The following PRH1 variants were observed in gnomAD, a reference collection of about 807,000 sequenced individuals.
PRH1 encodes the protein proline rich protein HaeIII subfamily 1, also known as salivary acidic proline-rich phosphoprotein 1/2.
Under a neutral mutation model 7.9 loss-of-function variants are expected in PRH1, and 7 were observed. The ratio of observed to expected loss-of-function variants is 0.89; its 90% CI spans 0.50 to 1.67. PRH1 has a LOEUF of 1.67. Ranked by LOEUF, PRH1 falls within the 40% of genes most tolerant of loss-of-function variation. The pLI is 0.00. For missense variants in PRH1, 109 were observed against 223.6 expected, an observed-to-expected ratio of 0.49 and a Z score of 3.27; for synonymous variants, 45 against 80.8, an observed-to-expected ratio of 0.56 and a Z score of 2.38.
chr12:11,124,026 C>T (rs1015201282), intron 1 of PRH1, among the ~76,000 whole-genome samples: 1 of 152,000 alleles, frequency 6.6e-6, no homozygotes, highest in African/African-American at 2.4e-5. Context: ...CTTTTTCCAA[C>T]ACTTTGGTCA....
intron 1 of PRH1, among the ~76,000 whole-genome samples, chr12:11,067,886 T>A (rs1283307462): frequency 6.6e-6 from 1 of 152,126 alleles, no homozygotes; most frequent in Non-Finnish European, 1.5e-5. Context: ...AAATTTTAAA[T>A]TTTAACTTGG....
chr12:10,984,288 G>C (rs111664730), intron 1 of PRH1, among the ~76,000 whole-genome samples: 1 of 152,122 alleles, frequency 6.6e-6, no homozygotes, highest in Non-Finnish European at 1.5e-5. Flanking sequence ...ATCGAATATG[G>C]CTTCATCAGG....
chr12:11,020,723 A>G (rs1941578930), intron 1 of PRH1, among the ~76,000 whole-genome samples: 1 of 152,034 alleles, frequency 6.6e-6, no homozygotes, highest in African/African-American at 2.4e-5. Flanking sequence ...ATTATCTTCT[A>G]TAGTTTCTAT....
Position 11,133,583 on chromosome 12 carries a change from G to A in PRH1, n.40-12403C>T, listed in dbSNP as rs748053817. ...TTGCAAAGCTTTTATGTGGACCTTG[G>A]TGCTGGGATCTTGAGATCCTTTGCC... On this transcript the variant is annotated intron_variant and non_coding_transcript_variant, in intron 1 of 1. Transcript: ENST00000541175. The A allele has an allele frequency of 1.4e-5, 23 of 1,614,134 alleles. No homozygotes were observed. In the African/African-American group the frequency reaches 2.0e-4, roughly 14 times the overall value.
intron 1 of PRH1, among the ~76,000 whole-genome samples, chr12:11,103,599 T>C (rs1173276609): frequency 6.6e-6 from 1 of 151,880 alleles, no homozygotes; most frequent in Non-Finnish European, 1.5e-5. Flanking sequence ...AATGACGAGT[T>C]AATGGGTGCA....
intron 1 of PRH1, among the ~76,000 whole-genome samples, chr12:11,102,854 A>C (rs1293129655): frequency 6.6e-6 from 1 of 152,234 alleles, no homozygotes; most frequent in African/African-American, 2.4e-5. Context: ...GAAAAAAATC[A>C]AACAACCCCA....
intron 1 of PRH1, among the ~76,000 whole-genome samples, chr12:11,070,293 A>T (rs1220056947): frequency 1.3e-5 from 2 of 152,194 alleles, no homozygotes; most frequent in Non-Finnish European, 2.9e-5. Context: ...ATTCCACCAA[A>T]AAAGGGAAGA....
chr12:10,985,886 G>T, intron 1 of PRH1: 1 of 1,411,208 alleles, frequency 7.1e-7, no homozygotes, highest in Non-Finnish European at 9.6e-7. Context: ...GACACTATCA[G>T]TTTGTTTTCT....
chr12:10,919,651 A>G (rs1270825864), intron 2 of PRH1, among the ~76,000 whole-genome samples: 2 of 151,888 alleles, frequency 1.3e-5, no homozygotes, highest in African/African-American at 4.8e-5. Context: ...AGAGGTCTCA[A>G]TATCATTAGT....
chr12:10,961,200 G>C (rs765432131), intron 2 of PRH1, among the ~76,000 whole-genome samples: 1 of 143,692 alleles, frequency 7.0e-6, no homozygotes, highest in African/African-American at 3.0e-5. Flanking sequence ...AACTCCTAGG[G>C]AATTAGTGCA....
At chr12:10,970,952 T>G (rs146595560) in intron 2 of PRH1, among the ~76,000 whole-genome samples, 56 of 152,366 alleles carry the variant, frequency 3.7e-4, no homozygotes, top group Non-Finnish European at 5.9e-4. Context: ...GTTCTATCTA[T>G]GAGAATATGT....
chr12:11,147,238 T>A (rs772148142), intron 1 of PRH1, among the ~76,000 whole-genome samples: 2 of 152,186 alleles, frequency 1.3e-5, no homozygotes, highest in Non-Finnish European at 2.9e-5. Flanking sequence ...TTGCCCAGGC[T>A]GGAGTGCAGT....
chr12:10,965,193 A>G, intron 2 of PRH1: 1 of 1,487,014 alleles, frequency 6.7e-7, no homozygotes, highest in Admixed American at 1.8e-5. Context: ...CCAACTCTGG[A>G]GACTGCCAGA....
At chr12:11,022,613 C>A in intron 1 of PRH1, 2 of 1,413,400 alleles carry the variant, frequency 1.4e-6, no homozygotes, top group South Asian at 1.3e-5. Flanking sequence ...AACACTTGTT[C>A]TGAGTCCTTT....
chr12:11,055,625 T>C lies in PRH1; in HGVS notation n.124-8437A>G, dbSNP rs190274702. ...CCTTGTTATAAGATAAAATGTTTCA[T>C]GCTGATGTTGAAGTAAAAGCTGAAT... On this transcript the variant is annotated intron_variant and non_coding_transcript_variant, in intron 1 of 4. Transcript: ENST00000541977. Among the ~76,000 whole-genome samples, 432 of 152,328 alleles carry C rather than the reference T, an allele frequency of 2.8e-3. 3 individuals carry two copies. The highest frequency in any genetic ancestry group is 5.7e-3 in the Non-Finnish European group (388 of 68,028).
intron 1 of PRH1, among the ~76,000 whole-genome samples, chr12:11,125,109 C>A (rs924510055): frequency 3.9e-5 from 6 of 152,220 alleles, no homozygotes; most frequent in Non-Finnish European, 8.8e-5. Flanking sequence ...TCCCAGAGTG[C>A]TGGGATTACA....
intron 1 of PRH1, chr12:11,171,365 C>G: frequency 2.4e-6 from 3 of 1,231,810 alleles, no homozygotes; most frequent in Non-Finnish European, 3.0e-6. Flanking sequence ...TCATGGCCCC[C>G]GCGGCGGCTC....
At chr12:10,940,717 C>T (rs982064073) in intron 2 of PRH1, among the ~76,000 whole-genome samples, 162 of 152,248 alleles carry the variant, frequency 1.1e-3, no homozygotes, top group African/African-American at 3.7e-3. Context: ...AGTCATTCTT[C>T]TTCAATAGCT....
At chr12:10,907,655 GA>G (rs1054986231) in intron 2 of PRH1, among the ~76,000 whole-genome samples, 2 of 151,834 alleles carry the variant, frequency 1.3e-5, no homozygotes, top group Admixed American at 6.6e-5. Flanking sequence ...GGCTGGAGGG[GA>G]GAGGGTAAAC....
Sources: gnomAD v4.1 joint callset for allele counts (sites outside exome capture counted in the v4.1 genomes callset) on GRCh38, gnomAD v4.1.1 for gene constraint, MANE v1.5 for transcripts, NCBI Gene and HGNC (gene_info 2026-07-23, HGNC 2026-07-21) for gene names.